The following CHD6 variants were observed in gnomAD, a reference collection of about 807,000 sequenced individuals.
CHD6 encodes ATP-dependent chromatin remodeler CHD6.
A neutral mutation model predicts 276.9 loss-of-function variants in CHD6; 50 were observed. The ratio of observed to expected loss-of-function variants is 0.18; its 90% CI spans 0.14 to 0.23. The LOEUF (loss-of-function observed/expected upper bound fraction) is 0.23. Among genes scored for constraint, CHD6 ranks in the 10% least tolerant of loss-of-function variants. CHD6 has a pLI of 1.00. For missense variants in CHD6, 2,564 were observed against 3,365.8 expected (o/e 0.76, Z 5.89); for synonymous variants, 1,173 against 1,229.3 (o/e 0.95, Z 0.96).
At chr20:41,602,466 G>T (rs2045783450) in intron 1 of CHD6, among the ~76,000 whole-genome samples, 1 of 152,162 alleles carries the variant, frequency 6.6e-6, no homozygotes, top group African/African-American at 2.4e-5. Context: ...CTGCCAGTTT[G>T]CTCAAGTTTA....
rs1001340850 is a variant in CHD6, at chr20:41,420,595, G to A, written c.6040C>T (p.Pro2014Ser). The A allele has an allele frequency of 6.2e-7, 1 of 1,614,144 alleles. No homozygotes were observed. The highest frequency in any genetic ancestry group is 8.5e-7 in the Non-Finnish European group (1 of 1,180,000). Residue 2014 changes from proline (P) to serine (S), a missense_variant, in exon 31 of 37, where the codon CCT becomes TCT. By Grantham distance (74) the Pro-to-Ser change is moderately conservative. Around this residue, in one of 7 missense-constraint regions of CHD6, gnomAD observed 1,024 missense variants for 1,047.9 expected, o/e 0.98. Coordinates refer to ENST00000373233, the MANE Select transcript of CHD6 (RefSeq NM_032221.5). ...AEGQNVFPTY[P>S]LEGSELKSED... ...GATTTGAGCTCACTTCCTTCAAGAG[G>A]ATATGTGGGGAAAACGTTTTGCCCC...
At chr20:41,515,036 T>A (rs1601056503) in intron 3 of CHD6, 84 bp from the exon 4 acceptor site, 2 of 1,435,106 alleles carry the variant, frequency 1.4e-6, no homozygotes, top group Non-Finnish European at 1.9e-6. Flanking sequence ...TGAAATCACA[T>A]CCTGGAATTC....
At chr20:41,592,135 C>A (rs1009742482) in intron 1 of CHD6, among the ~76,000 whole-genome samples, 38 of 152,076 alleles carry the variant, frequency 2.5e-4, no homozygotes, top group African/African-American at 8.5e-4. Flanking sequence ...ATCAGACTCC[C>A]GTGAGTCCAA....
At chr20:41,582,530 A>C (rs1483641936) in intron 1 of CHD6, among the ~76,000 whole-genome samples, 1 of 152,208 alleles carries the variant, frequency 6.6e-6, no homozygotes, top group Non-Finnish European at 1.5e-5. Context: ...CAACATAAAT[A>C]TTTAATGTCC....
At chr20:41,563,294 G>A (rs914924718) in intron 1 of CHD6, among the ~76,000 whole-genome samples, 1 of 152,104 alleles carries the variant, frequency 6.6e-6, no homozygotes, top group East Asian at 1.9e-4. Flanking sequence ...TGAATAACAA[G>A]GCTTTTACTC....
intron 2 of CHD6, among the ~76,000 whole-genome samples, chr20:41,540,755 G>A (rs765903919): frequency 6.6e-6 from 1 of 152,006 alleles, no homozygotes; most frequent in Non-Finnish European, 1.5e-5. Flanking sequence ...GGGAGAAGAT[G>A]GTGTTCTGTG....
rs896529278 is a variant in CHD6, at chr20:41,426,099, G to A, written c.4123C>T (p.Arg1375Trp). ...CAGAAGGACATAGTCTCACCTGCCC[G>A]GCTGTCATCCTTCTTTTCGCTAAAA... ...GVFSEKKDDS[R>W]AAQDGSDPDK... Residue 1375 changes from arginine to tryptophan, a missense_variant, in exon 28 of 37, where the codon CGG becomes TGG. Transcript: ENST00000373233. 6.2e-6 allele frequency: 10 copies of A among 1,609,624 alleles called. No individual in the cohort carries two copies. The highest frequency in any genetic ancestry group is 4.4e-5 in the South Asian group (4 of 91,000).
intron 16 of CHD6, among the ~76,000 whole-genome samples, chr20:41,481,590 A>T (rs966235774): frequency 6.6e-6 from 1 of 152,122 alleles, no homozygotes; most frequent in Non-Finnish European, 1.5e-5. Context: ...TTCTCATATG[A>T]TATTTTGGAA....
intron 20 of CHD6, 113 bp from the exon 21 acceptor site, chr20:41,453,055 TCCAGCACGAAGGGCTATTC>T (rs1009388826): frequency 2.5e-6 from 2 of 797,076 alleles, no homozygotes; most frequent in African/African-American, 3.4e-5. Context: ...CGTCTCATCC[TCCAGCACGAAGGGCTATTC>T]CCAGCACACC....
At chr20:41,481,780 T>C (rs1042141743) in intron 16 of CHD6, among the ~76,000 whole-genome samples, 1 of 151,784 alleles carries the variant, frequency 6.6e-6, no homozygotes, top group Non-Finnish European at 1.5e-5. Flanking sequence ...ATGTTTAAAA[T>C]AGAGTATCAC....
intron 5 of CHD6, among the ~76,000 whole-genome samples, chr20:41,512,369 G>A (rs1011032942): frequency 1.3e-5 from 2 of 151,884 alleles, no homozygotes; most frequent in African/African-American, 4.8e-5. Flanking sequence ...AGTACACAAG[G>A]GGCTGAAACA....
intron 1 of CHD6, among the ~76,000 whole-genome samples, chr20:41,567,975 T>C (rs2045377904): frequency 6.6e-6 from 1 of 151,996 alleles, no homozygotes; most frequent in African/African-American, 2.4e-5. Flanking sequence ...TCTACATGGC[T>C]AAAAATCCAA....
rs752717402 is a variant in CHD6, at chr20:41,491,780, A to G, written c.1354T>C (p.Ser452Pro). The G allele has an allele frequency of 6.2e-7, 1 of 1,613,844 alleles. No individual in the cohort carries two copies. The highest frequency in any genetic ancestry group is 8.5e-7 in the Non-Finnish European group (1 of 1,179,858). ...ASDSWQKLEKSREYKNSNQLR... is the reference protein window; with the variant it reads ...ASDSWQKLEKPREYKNSNQLR... ...TGGTTACTGTTCTTATACTCGCGAG[A>G]CTTCTCAAGTTTCTGCCAGGAGTCT... The change falls in exon 11 of 37, where the codon TCT becomes CCT. Residue 452 changes from serine (S) to proline (P), a missense_variant. Physicochemically the swap from Ser to Pro is moderately conservative, Grantham distance 74 (BLOSUM62 -1). This residue lies in a region of CHD6 where 457 missense variants were observed against 889.0 expected (regional missense o/e 0.51). Coordinates refer to ENST00000373233, the MANE Select transcript of CHD6 (RefSeq NM_032221.5).
At chr20:41,616,926 T>A (rs2045939107) in intron 1 of CHD6, among the ~76,000 whole-genome samples, 1 of 152,110 alleles carries the variant, frequency 6.6e-6, no homozygotes, top group South Asian at 2.1e-4. Context: ...ACAGCTCACA[T>A]CAGCCTAGGG....
At chr20:41,514,562 C>G (rs2044205121) in intron 4 of CHD6, among the ~76,000 whole-genome samples, 1 of 152,188 alleles carries the variant, frequency 6.6e-6, no homozygotes, top group African/African-American at 2.4e-5. Context: ...CCTCTGCAGC[C>G]TAATATCCTG....
intron 25 of CHD6, among the ~76,000 whole-genome samples, chr20:41,445,339 T>C (rs1407127957): frequency 6.6e-6 from 1 of 152,184 alleles, no homozygotes; most frequent in African/African-American, 2.4e-5. Flanking sequence ...TCATTCAAGG[T>C]GTCTACTATG....
intron 8 of CHD6, among the ~76,000 whole-genome samples, chr20:41,495,055 AC>A (rs1479001826): frequency 2.0e-5 from 3 of 146,810 alleles, no homozygotes; most frequent in East Asian, 2.0e-4. Flanking sequence ...AAAAAAAAAA[AC>A]CCAGTTTGTT....
At chr20:41,552,698 CCTCT>C (rs1273705235) in intron 1 of CHD6, among the ~76,000 whole-genome samples, 1 of 152,108 alleles carries the variant, frequency 6.6e-6, no homozygotes, top group Non-Finnish European at 1.5e-5. Context: ...GATTTTTCTC[CCTCT>C]AAGAGTTAGA....
At chr20:41,508,161 G>C (rs1457430732) in intron 5 of CHD6, among the ~76,000 whole-genome samples, 3 of 152,094 alleles carry the variant, frequency 2.0e-5, no homozygotes, top group African/African-American at 7.2e-5. Flanking sequence ...CATAAAAGAG[G>C]ACAGCAAAGA....
Sources: allele counts gnomAD v4.1 joint callset (sites outside exome capture counted in the v4.1 genomes callset), GRCh38; gene constraint gnomAD v4.1.1; regional missense constraint gnomAD v4.1.1; transcripts MANE v1.5; gene names NCBI Gene and HGNC (gene_info 2026-07-23, HGNC 2026-07-21).